WDPCP: variants seen among roughly 807,000 people sequenced by gnomAD.
The protein encoded by WDPCP is WD repeat containing planar cell polarity effector.
A neutral mutation model predicts 93.1 loss-of-function variants in WDPCP; 71 were observed. The ratio of observed to expected loss-of-function variants is 0.76; its 90% CI spans 0.63 to 0.93. The LOEUF (loss-of-function observed/expected upper bound fraction) is 0.93. Among genes scored for constraint, WDPCP ranks in the 40% least tolerant of loss-of-function variants. WDPCP has a pLI of 0.00. For missense variants in WDPCP, 844 were observed against 887.4 expected (o/e 0.95, Z 0.62); for synonymous variants, 315 against 315.0 (o/e 1.00, Z 0.00).
chr2:63,551,806 T>C (rs1401419084), intron 1 of WDPCP, among the ~76,000 whole-genome samples: 1 of 151,996 alleles, frequency 6.6e-6, no homozygotes. Flanking sequence ...ATTTGTTACA[T>C]AAAAGGCACC....
At chr2:63,201,744 G>A (rs1675929984) in intron 14 of WDPCP, among the ~76,000 whole-genome samples, 1 of 151,956 alleles carries the variant, frequency 6.6e-6, no homozygotes, top group African/African-American at 2.4e-5. Context: ...ATGTTAGTCT[G>A]GTAAACCGTA....
intron 14 of WDPCP, among the ~76,000 whole-genome samples, chr2:63,182,756 A>C (rs1674340949): frequency 6.7e-6 from 1 of 149,212 alleles, no homozygotes; most frequent in Admixed American, 6.7e-5. Context: ...TTTGGCTGTG[A>C]ATCCATTTGG....
intron 1 of WDPCP, among the ~76,000 whole-genome samples, chr2:63,498,118 A>G (rs1295663933): frequency 2.0e-5 from 3 of 152,222 alleles, no homozygotes; most frequent in Non-Finnish European, 4.4e-5. Context: ...GAATCAGAAA[A>G]AGAATTATCC....
intron 6 of WDPCP, among the ~76,000 whole-genome samples, chr2:63,457,478 G>A (rs896412533): frequency 3.9e-5 from 6 of 152,080 alleles, no homozygotes; most frequent in Admixed American, 1.3e-4. Context: ...CCATGATACC[G>A]AAACCAGACA....
the WDPCP span, among the ~76,000 whole-genome samples, chr2:63,840,660 C>A: frequency 6.6e-6 from 1 of 152,212 alleles, no homozygotes; most frequent in Admixed American, 6.5e-5. Flanking sequence ...CGGCTCTATC[C>A]GCAGGGCTTT....
intron 17 of WDPCP, among the ~76,000 whole-genome samples, chr2:63,132,580 T>G (rs577204061): frequency 6.6e-6 from 1 of 150,794 alleles, no homozygotes; most frequent in East Asian, 1.9e-4. Context: ...ATCTTTAAGC[T>G]TGTTTATTCT....
upstream of WDPCP, among the ~76,000 whole-genome samples, chr2:63,832,331 G>A (rs766363273): frequency 3.3e-5 from 5 of 152,166 alleles, no homozygotes; most frequent in Admixed American, 6.5e-5. Context: ...GCATGAGGTT[G>A]AAAGCTGAAA....
chr2:63,392,314 G>GGGAAAACTGGCTAGCCATAGGT (rs1361659293), intron 10 of WDPCP, among the ~76,000 whole-genome samples: 1 of 152,190 alleles, frequency 6.6e-6, no homozygotes, highest in Non-Finnish European at 1.5e-5. Context: ...AAATGGTGCT[G>GGGAAAACTGGCTAGCCATAGGT]GGAAAACTGG....
At chr2:63,703,140 G>A (rs1273449445) in intron 2 of WDPCP, among the ~76,000 whole-genome samples, 1 of 152,102 alleles carries the variant, frequency 6.6e-6, no homozygotes, top group African/African-American at 2.4e-5. Flanking sequence ...ATTTGGGTTG[G>A]TTCCAAGTCT....
At chr2:63,819,361 T>G (rs1670985802) in intron 1 of WDPCP, among the ~76,000 whole-genome samples, 1 of 152,180 alleles carries the variant, frequency 6.6e-6, no homozygotes. Flanking sequence ...ATTACCTGCA[T>G]TGTTATTTCC....
At chr2:63,790,443 A>G (rs551951390) in intron 2 of WDPCP, among the ~76,000 whole-genome samples, 1 of 152,352 alleles carries the variant, frequency 6.6e-6, no homozygotes, top group East Asian at 1.9e-4. Context: ...AAGCACAAGC[A>G]GGTGCACAAG....
At chr2:63,455,371 C>T (rs928846714) in intron 6 of WDPCP, among the ~76,000 whole-genome samples, 1 of 149,326 alleles carries the variant, frequency 6.7e-6, no homozygotes, top group Non-Finnish European at 1.5e-5. Context: ...AAACCGTGAT[C>T]CAACAATATT....
chr2:63,208,111 T>C (rs1054734687), intron 14 of WDPCP, among the ~76,000 whole-genome samples: 1 of 152,236 alleles, frequency 6.6e-6, no homozygotes, highest in Non-Finnish European at 1.5e-5. Flanking sequence ...CATTATTCTT[T>C]CATAACTTAT....
At chr2:63,230,939 C>T (rs7603593) in intron 14 of WDPCP, among the ~76,000 whole-genome samples, 102,036 of 152,008 alleles carry the variant, frequency 0.67, 35,700 homozygotes, top group Middle Eastern at 0.79. Flanking sequence ...TTAATTTAAT[C>T]AGATCCCATT....
At chr2:63,326,601 A>G (rs1687565165) in intron 12 of WDPCP, among the ~76,000 whole-genome samples, 1 of 151,934 alleles carries the variant, frequency 6.6e-6, no homozygotes, top group South Asian at 2.1e-4. Context: ...AAGGAAAGAG[A>G]GAAAGAGACA....
intron 2 of WDPCP, among the ~76,000 whole-genome samples, chr2:63,691,108 TA>T (rs1354575736): frequency 4.6e-5 from 7 of 152,228 alleles, no homozygotes; most frequent in Admixed American, 3.9e-4. Context: ...TGCTCTCAAC[TA>T]AATCTCACGT....
chr2:63,781,193 T>G (rs990771018), intron 2 of WDPCP, among the ~76,000 whole-genome samples: 5 of 152,322 alleles, frequency 3.3e-5, no homozygotes, highest in African/African-American at 1.2e-4. Context: ...TCCTATAGTA[T>G]TTCCATACTC....
chr2:63,726,504 T>C (rs1669499249), intron 2 of WDPCP, among the ~76,000 whole-genome samples: 1 of 152,194 alleles, frequency 6.6e-6, no homozygotes, highest in African/African-American at 2.4e-5. Context: ...TTGTTCTTTT[T>C]GCTTAGGATT....
intron 14 of WDPCP, among the ~76,000 whole-genome samples, chr2:63,215,403 C>T (rs997034498): frequency 6.6e-6 from 1 of 152,102 alleles, no homozygotes; most frequent in African/African-American, 2.4e-5. Context: ...GAAATAATAC[C>T]GCATATCTGC....
Sources: gnomAD v4.1 joint callset for allele counts (sites outside exome capture counted in the v4.1 genomes callset) on GRCh38, gnomAD v4.1.1 for gene constraint, MANE v1.5 for transcripts, NCBI Gene and HGNC (gene_info 2026-07-23, HGNC 2026-07-21) for gene names.